SMARCC1: variants seen among roughly 807,000 people sequenced by gnomAD.
SMARCC1 encodes the protein SWI/SNF related BAF chromatin remodeling complex subunit C1.
In SMARCC1, 43 loss-of-function variants were observed where a neutral mutation model predicts 147.4. That is an observed-to-expected ratio of 0.29 (90% CI 0.23 to 0.38). SMARCC1 has a LOEUF of 0.38. SMARCC1 is among the 10% of genes least tolerant of loss of function. The pLI is 1.00. For missense variants in SMARCC1, 1,119 were observed against 1,381.1 expected, an observed-to-expected ratio of 0.81 and a Z score of 3.01; for synonymous variants, 495 against 484.4, an observed-to-expected ratio of 1.02 and a Z score of -0.29.
At chr3:47,610,368 G>C in intron 25 of SMARCC1, 41 bp from the exon 26 acceptor site, 2 of 1,611,652 alleles carry the variant, frequency 1.2e-6, no homozygotes, top group Non-Finnish European at 1.7e-6. Context: ...CACCAGAAGA[G>C]GCTTTCAGGA....
At chr3:47,715,367 T>G (rs2034143547) in intron 7 of SMARCC1, among the ~76,000 whole-genome samples, 1 of 152,102 alleles carries the variant, frequency 6.6e-6, no homozygotes, top group Admixed American at 6.6e-5. Flanking sequence ...TCATTTCCAT[T>G]TCAGTAATGA....
chr3:47,743,782 C>A (rs1453632757), intron 3 of SMARCC1, among the ~76,000 whole-genome samples: 2 of 150,066 alleles, frequency 1.3e-5, no homozygotes, highest in African/African-American at 2.5e-5. Flanking sequence ...CACTGCACTC[C>A]GGCCTGGGTG....
chr3:47,589,565 C>T (rs1559620045), intron 27 of SMARCC1, among the ~76,000 whole-genome samples: 1 of 152,186 alleles, frequency 6.6e-6, no homozygotes, highest in Non-Finnish European at 1.5e-5. Flanking sequence ...CCACTGACCA[C>T]TAGCTTAAGG....
intron 25 of SMARCC1, among the ~76,000 whole-genome samples, chr3:47,611,015 T>C (rs1417433253): frequency 6.6e-6 from 1 of 152,176 alleles, no homozygotes; most frequent in Non-Finnish European, 1.5e-5. Flanking sequence ...ACTACAAGCA[T>C]TTCAATATTC....
At chr3:47,672,581 G>A (rs1443463870) in intron 18 of SMARCC1, among the ~76,000 whole-genome samples, 1 of 152,102 alleles carries the variant, frequency 6.6e-6, no homozygotes, top group Non-Finnish European at 1.5e-5. Flanking sequence ...ATCAGATTTG[G>A]AGCCCCAAGA....
intron 21 of SMARCC1, among the ~76,000 whole-genome samples, chr3:47,659,126 A>AG (rs1160360928): frequency 7.3e-5 from 11 of 151,416 alleles, no homozygotes; most frequent in African/African-American, 2.7e-4. Context: ...TCAAAAAAAA[A>AG]AAAAAAAAAT....
chr3:47,649,051 A>G (rs1022003707), intron 21 of SMARCC1, among the ~76,000 whole-genome samples: 1 of 152,246 alleles, frequency 6.6e-6, no homozygotes, highest in Non-Finnish European at 1.5e-5. Flanking sequence ...CTTAGAAATT[A>G]AATGTCCAAT....
At chr3:47,726,322 T>A (rs1050095174) in intron 6 of SMARCC1, among the ~76,000 whole-genome samples, 2 of 150,342 alleles carry the variant, frequency 1.3e-5, no homozygotes, top group African/African-American at 2.5e-5. Context: ...CCAATATGTA[T>A]GGATATAGAA....
chr3:47,702,912 TTTC>T (rs987980463), intron 10 of SMARCC1, among the ~76,000 whole-genome samples: 1 of 151,664 alleles, frequency 6.6e-6, no homozygotes, highest in Non-Finnish European at 1.5e-5. Flanking sequence ...AAAGTTTTGT[TTTC>T]TTTTCTTTTG....
intron 13 of SMARCC1, among the ~76,000 whole-genome samples, chr3:47,689,102 G>T (rs2033762557): frequency 6.6e-6 from 1 of 151,978 alleles, no homozygotes; most frequent in African/African-American, 2.4e-5. Flanking sequence ...TCAGCTACTC[G>T]GGAGGCTGAG....
intron 12 of SMARCC1, among the ~76,000 whole-genome samples, chr3:47,690,602 G>A (rs2033778536): frequency 1.3e-5 from 2 of 152,182 alleles, no homozygotes; most frequent in South Asian, 4.1e-4. Context: ...AGCATTGGCA[G>A]GAAAGTAAGA....
rs922026222 is a variant in SMARCC1 at position 47,781,838 on chromosome 3, C to A, written c.-41G>T. 2.6e-5 allele frequency: 33 copies of A among 1,279,240 alleles called. No individual in the cohort carries two copies. The highest frequency in any genetic ancestry group is 3.1e-5 in the Non-Finnish European group (31 of 1,006,582). 79.2% of individuals were successfully genotyped at this position (1,279,240 alleles called of 1,614,324 possible). A position where few individuals can be genotyped will look rare whatever the true frequency, so the allele number is the denominator to read the frequency against. On this transcript the variant is annotated 5_prime_UTR_variant, in exon 1 of 28. Coordinates refer to ENST00000254480, the MANE Select transcript of SMARCC1 (RefSeq NM_003074.4). ...TCCCCACAGCCTGGCCCACCCCGGC[C>A]CTCGCGGTGTTTCCCGGTCGTTCCC... is the stretch of plus-strand genomic sequence containing the variant.
chr3:47,647,962 T>A lies in SMARCC1; in HGVS notation c.2321-9182A>T, dbSNP rs923827688. Among the ~76,000 whole-genome samples the A allele has an allele frequency of 6.6e-5, 10 of 152,182 alleles. No individual in the cohort carries two copies. In the East Asian group the frequency reaches 1.7e-3, roughly 26 times the overall value. ...AATCACACTGTTTTACATAATCAAATACTTTCTTGAATCTGCTCACTGACA... is the reference window on the plus strand; with the variant it reads ...AATCACACTGTTTTACATAATCAAAAACTTTCTTGAATCTGCTCACTGACA... On this transcript the variant is annotated intron_variant, in intron 21 of 27. Coordinates refer to ENST00000254480, the MANE Select transcript of SMARCC1 (RefSeq NM_003074.4).
intron 11 of SMARCC1, among the ~76,000 whole-genome samples, chr3:47,697,001 G>T (rs945724422): frequency 2.0e-5 from 3 of 152,098 alleles, no homozygotes; most frequent in African/African-American, 7.2e-5. Flanking sequence ...ACAGGGAAAG[G>T]CCACCATGTC....
intron 26 of SMARCC1, among the ~76,000 whole-genome samples, chr3:47,605,619 A>G (rs1322713764): frequency 2.0e-5 from 3 of 152,156 alleles, no homozygotes; most frequent in African/African-American, 2.4e-5. Flanking sequence ...AAAAAAATTT[A>G]AAAGGCAGTG....
At chr3:47,607,300 G>A (rs567174255) in intron 26 of SMARCC1, among the ~76,000 whole-genome samples, 6 of 152,230 alleles carry the variant, frequency 3.9e-5, no homozygotes, top group Non-Finnish European at 7.4e-5. Flanking sequence ...GTGTGTAAAC[G>A]AAAGCTTCCC....
intron 1 of SMARCC1, among the ~76,000 whole-genome samples, chr3:47,775,716 G>A (rs927910450): frequency 1.3e-5 from 2 of 151,874 alleles, no homozygotes; most frequent in African/African-American, 2.4e-5. Flanking sequence ...AGGCTGTAGC[G>A]AACCCAGATC....
intron 11 of SMARCC1, among the ~76,000 whole-genome samples, chr3:47,695,859 G>A (rs1231487994): frequency 7.2e-6 from 1 of 138,772 alleles, no homozygotes; most frequent in Non-Finnish European, 1.5e-5. Flanking sequence ...CTGAGGTCAG[G>A]AGTTCAAGAC....
rs1239978547 is a variant in SMARCC1, at chr3:47,652,953, T to C, written c.2320+8341A>G. The stretch of plus-strand genomic sequence containing the variant: ...GTGTTCATCCAGCTTTACTTTCTTT[T>C]TTTTTTTTTTTTTTGAGACGGAGTC... On this transcript the variant is annotated intron_variant, in intron 21 of 27. Transcript: ENST00000254480. Among the ~76,000 whole-genome samples the C allele has an allele frequency of 6.1e-5, 9 of 148,396 alleles. No individual in the cohort carries two copies. In the South Asian group the frequency reaches 8.5e-4, roughly 14 times the overall value.
Sources: allele counts gnomAD v4.1 joint callset (sites outside exome capture counted in the v4.1 genomes callset), GRCh38; gene constraint gnomAD v4.1.1; transcripts MANE v1.5; gene names NCBI Gene and HGNC (gene_info 2026-07-23, HGNC 2026-07-21).